Variants in ENKUR observed in about 807,000 individuals in gnomAD.
The protein encoded by ENKUR is enkurin.
ENKUR carries 19 observed loss-of-function variants against 27.6 expected under a neutral mutation model. That is an observed-to-expected ratio of 0.69 (90% confidence interval 0.48 to 1.01). ENKUR has a LOEUF of 1.01. ENKUR is among the 50% of genes least tolerant of loss of function. ENKUR has a pLI of 0.00. For missense variants in ENKUR, 312 were observed against 310.5 expected, an observed-to-expected ratio of 1.00 and a Z score of -0.04; for synonymous variants, 117 against 96.9, an observed-to-expected ratio of 1.21 and a Z score of -1.22.
chr10:25,030,797 T>A (rs1850925366), intron 2 of ENKUR, among the ~76,000 whole-genome samples: 1 of 152,178 alleles, frequency 6.6e-6, no homozygotes, highest in Non-Finnish European at 1.5e-5. Flanking sequence ...CTTAAAGTGA[T>A]CTTGTGTGGT....
upstream of ENKUR, chr10:25,016,742 T>TC (rs1850591177): frequency 2.0e-5 from 3 of 152,406 alleles, no homozygotes; most frequent in East Asian, 5.8e-4. Context: ...TGGACACTGC[T>TC]CCCCCATTTC....
rs1221060792 is a variant in ENKUR, at chr10:25,003,170, A to AT, written c.78-3625dup. Among the ~76,000 whole-genome samples, 315 of 149,796 alleles carry AT rather than the reference A, an allele frequency of 2.1e-3. 2 individuals are homozygous for AT. The highest frequency in any genetic ancestry group is 6.8e-3 in the Middle Eastern group (2 of 294). ...ATTTCAGTGTTTCTTTAATTAATTA[A>AT]TTAATTAATTAATTTATTTATTTAT... On this transcript the variant is annotated intron_variant, in intron 1 of 5. Transcript: ENST00000331161.
Position 25,015,867 on chromosome 10 carries a change from G to C in ENKUR, c.70C>G (p.Pro24Ala). Residue 24 changes from proline (P) to alanine (A), a missense_variant, in exon 1 of 6, where the codon CCT becomes GCT. Coordinates refer to ENST00000331161, the MANE Select transcript of ENKUR (RefSeq NM_145010.4). ...CTTTGCTTATCCACATACCTAGGAGGCTGGGGAGGCTCCTTCAAGTCACTG... is the reference window on the plus strand; with the variant it reads ...CTTTGCTTATCCACATACCTAGGAGCCTGGGGAGGCTCCTTCAAGTCACTG... ...IPSDLKEPPQ[P>A]PRYISIFKAT... 6.2e-7 allele frequency: 1 copy of C among 1,605,150 alleles called. No homozygotes were observed. Among genetic ancestry groups the C allele is most frequent in the Non-Finnish European group, 8.5e-7 (1 of 1,175,526 alleles).
intron 2 of ENKUR, chr10:25,025,154 C>T: frequency 3.1e-6 from 5 of 1,614,182 alleles, no homozygotes; most frequent in Non-Finnish European, 4.2e-6. Flanking sequence ...CCACACACTG[C>T]TGTTGCAAAA....
intron 2 of ENKUR, among the ~76,000 whole-genome samples, chr10:25,036,517 G>A (rs1355043709): frequency 7.9e-5 from 12 of 152,040 alleles, no homozygotes; most frequent in Admixed American, 2.0e-4. Context: ...CTTTTCTTTG[G>A]GGAAAGATCA....
intron 1 of ENKUR, among the ~76,000 whole-genome samples, chr10:25,015,250 T>C (rs900992373): frequency 6.6e-6 from 1 of 152,228 alleles, no homozygotes; most frequent in Non-Finnish European, 1.5e-5. Context: ...TCAACTCAAT[T>C]ACATATTTTT....
At chr10:25,024,988 G>A in intron 2 of ENKUR, 1 of 1,614,176 alleles carries the variant, frequency 6.2e-7, no homozygotes, top group Non-Finnish European at 8.5e-7. Flanking sequence ...GCTAATGACA[G>A]AATTATTTAA....
intron 2 of ENKUR, among the ~76,000 whole-genome samples, chr10:25,047,842 A>G (rs571201170): frequency 6.6e-5 from 10 of 152,376 alleles, no homozygotes; most frequent in African/African-American, 1.9e-4. Flanking sequence ...TTCCTAAAAT[A>G]CATACATAGC....
Position 24,985,000 on chromosome 10 carries a change from A to G in ENKUR, c.595-95T>C, listed in dbSNP as rs1849750928. 5.2e-6 allele frequency: 5 copies of G among 955,902 alleles called. No individual in the cohort carries two copies. The South Asian group carries it at 5.9e-5, about 11-fold the overall frequency. The allele number at this position is 955,902 out of a possible 1,614,324, so 59.2% of individuals were successfully genotyped here. A position where few individuals can be genotyped will look rare whatever the true frequency, so the allele number is the denominator to read the frequency against. On this transcript the variant is annotated intron_variant, in intron 4 of 5. Coordinates refer to ENST00000331161, the MANE Select transcript of ENKUR (RefSeq NM_145010.4). ...TTGGTAATGAAAAATGTCAATAAGT[A>G]AAAGAAACTGACAAAAATAACTTCT... is the stretch of plus-strand genomic sequence containing the variant.
chr10:25,020,242 A>ATCTATT (rs1215297450), upstream of ENKUR, among the ~76,000 whole-genome samples: 2 of 124,278 alleles, frequency 1.6e-5, no homozygotes, highest in African/African-American at 5.2e-5. Flanking sequence ...TTTAAAATAT[A>ATCTATT]TCTATATCTA....
chr10:24,999,327 C>A, intron 2 of ENKUR, 74 bp downstream of exon 2: 1 of 1,412,332 alleles, frequency 7.1e-7, no homozygotes, highest in Non-Finnish European at 9.7e-7. Context: ...GTTTAATATT[C>A]ATCAACAATA....
Position 25,025,423 on chromosome 10 carries a change from G to T in ENKUR, c.38-29554C>A, listed in dbSNP as rs755544612. 14 of 1,610,378 alleles carry T rather than the reference G, an allele frequency of 8.7e-6. No individual in the cohort carries two copies. In the African/African-American group the frequency reaches 1.2e-4, roughly 14 times the overall value. ...TGATATGAATGTCTTGAAGAGTCAT[G>T]TGGAACAACTTGTCCAAAATCAATT... On this transcript the variant is annotated intron_variant, in intron 2 of 5. Transcript: ENST00000615958.
chr10:25,054,457 TTTTCTTTCTTTCTTTC>T (rs55635166), intron 2 of ENKUR, among the ~76,000 whole-genome samples: 42 of 100,942 alleles, frequency 4.2e-4, no homozygotes, highest in South Asian at 1.1e-3. Context: ...GTTTTTTCTC[TTTTCTTTCTTTCTTTC>T]TTTCTTTCTT....
chr10:24,988,382 ATGTGTATATATTTATATATG>A (rs1485719063), intron 4 of ENKUR, among the ~76,000 whole-genome samples: 5 of 144,912 alleles, frequency 3.5e-5, no homozygotes, highest in African/African-American at 7.6e-5. Flanking sequence ...ATATGTATAT[ATGTGTATATATTTATATATG>A]TGTATATATA....
intron 2 of ENKUR, among the ~76,000 whole-genome samples, chr10:25,039,101 T>G (rs1851036177): frequency 6.6e-6 from 1 of 152,250 alleles, no homozygotes. Context: ...TATACCTTTG[T>G]AAAATGAATT....
At chr10:24,999,336 T>C in intron 2 of ENKUR, 65 bp downstream of exon 2, 1 of 1,478,626 alleles carries the variant, frequency 6.8e-7, no homozygotes, top group Non-Finnish European at 9.2e-7. Context: ...TCATCAACAA[T>C]AAAATAATAG....
At position 24,982,911 on chromosome 10, in the gene ENKUR, A is replaced by G. The variant is rs564737997; in HGVS notation, c.*1459T>C. 2.0e-5 allele frequency: 3 copies of G among 152,394 alleles called. No homozygotes were observed. Among genetic ancestry groups the G allele is most frequent in the Admixed American group, 2.0e-4 (3 of 15,308 alleles). 9.4% of individuals were successfully genotyped at this position (152,394 alleles called of 1,614,324 possible). A position where few individuals can be genotyped will look rare whatever the true frequency, so the allele number is the denominator to read the frequency against. On this transcript the variant is annotated 3_prime_UTR_variant, in exon 6 of 6. Transcript: ENST00000331161. Reference sequence around the variant, plus strand: ...AAGTTTTCATTTTAACATTTAAGGCAACTCCCACTCATGACTTCAAAGCAT... The same window carrying G: ...AAGTTTTCATTTTAACATTTAAGGCGACTCCCACTCATGACTTCAAAGCAT...
intron 2 of ENKUR, among the ~76,000 whole-genome samples, chr10:25,054,074 A>G (rs1053731573): frequency 2.0e-5 from 3 of 152,224 alleles, no homozygotes; most frequent in African/African-American, 7.2e-5. Context: ...TCCTGACTGC[A>G]AACGTAATGC....
At chr10:24,996,983 A>G (rs564066870) in intron 2 of ENKUR, among the ~76,000 whole-genome samples, 2 of 152,342 alleles carry the variant, frequency 1.3e-5, no homozygotes, top group Admixed American at 1.3e-4. Flanking sequence ...ACACAGACAT[A>G]CATATAAGGA....
Sources: gnomAD v4.1 joint callset for allele counts (sites outside exome capture counted in the v4.1 genomes callset) on GRCh38, gnomAD v4.1.1 for gene constraint, MANE v1.5 for transcripts, NCBI Gene and HGNC (gene_info 2026-07-23, HGNC 2026-07-21) for gene names.